The following GLCE variants were observed in gnomAD, a reference collection of about 807,000 sequenced individuals.
GLCE encodes the protein D-glucuronyl C5-epimerase.
GLCE carries 19 observed loss-of-function variants against 47.9 expected under a neutral mutation model. The observed-to-expected ratio is 0.40, with a 90% CI of 0.28 to 0.58. GLCE has a LOEUF of 0.58. Among genes scored for constraint, GLCE ranks in the 20% least tolerant of loss-of-function variants. GLCE has a pLI of 0.48. For synonymous variants in GLCE, 245 were observed against 263.4 expected (o/e 0.93, Z 0.68); for missense variants, 556 against 743.3 (o/e 0.75, Z 2.93).
rs371149817 is a variant in GLCE at position 69,185,213 on chromosome 15, T to G, written c.-105+24456T>G. On this transcript the variant is annotated intron_variant, in intron 1 of 4. Transcript: ENST00000261858. ...GCCATGTTCAGAGCTTTCTGTCATATAGAGAGTAGAGCAATTATTAAGCAT... is the reference window on the plus strand; with the variant it reads ...GCCATGTTCAGAGCTTTCTGTCATAGAGAGAGTAGAGCAATTATTAAGCAT... 7.2e-5 allele frequency among the ~76,000 whole-genome samples: 11 copies of G among 152,332 alleles called. No homozygotes were observed. The East Asian group carries it at 1.4e-3, about 19-fold the overall frequency.
In GLCE at chr15:69,269,521, G is replaced by T; in HGVS notation, c.*277G>T. ...GCCCATCACCCTATACAGTTTCGCAGATAGTCTAGTCACTCTATGTGAGAA... is the reference window on the plus strand; with the variant it reads ...GCCCATCACCCTATACAGTTTCGCATATAGTCTAGTCACTCTATGTGAGAA... On this transcript the variant is annotated 3_prime_UTR_variant, in exon 5 of 5. Coordinates refer to ENST00000261858, the MANE Select transcript of GLCE (RefSeq NM_015554.3). The T allele has an allele frequency of 2.5e-6, 1 of 405,198 alleles. No homozygotes were observed. The highest frequency in any genetic ancestry group is 4.4e-6 in the Non-Finnish European group (1 of 225,158). The allele number at this position is 405,198 out of a possible 1,614,324, so 25.1% of individuals were successfully genotyped here. A position where few individuals can be genotyped will look rare whatever the true frequency, so the allele number is the denominator to read the frequency against.
At chr15:69,234,038 C>T (rs2052560285) in intron 2 of GLCE, among the ~76,000 whole-genome samples, 3 of 151,168 alleles carry the variant, frequency 2.0e-5, no homozygotes, top group African/African-American at 4.9e-5. Context: ...AGTGCAATGG[C>T]GTGATCTGAG....
At chr15:69,236,038 A>G (rs542032442) in intron 2 of GLCE, among the ~76,000 whole-genome samples, 1 of 152,318 alleles carries the variant, frequency 6.6e-6, no homozygotes, top group African/African-American at 2.4e-5. Context: ...TATAGTAAGT[A>G]CACTTTTGTG....
intron 2 of GLCE, among the ~76,000 whole-genome samples, chr15:69,235,090 A>AATCTTTTTTTTTTTTTTTTTTTTT (rs1163529945): frequency 4.8e-5 from 4 of 82,488 alleles, no homozygotes; most frequent in African/African-American, 1.1e-4. Flanking sequence ...GATGAAGATT[A>AATCTTTTTTTTTTTTTTTTTTTTT]TTCTTTTTTT....
intron 2 of GLCE, among the ~76,000 whole-genome samples, chr15:69,224,452 A>G (rs912076066): frequency 6.6e-6 from 1 of 152,244 alleles, no homozygotes; most frequent in African/African-American, 2.4e-5. Context: ...AAAAATAAAT[A>G]CAGGAAGAAA....
intron 1 of GLCE, among the ~76,000 whole-genome samples, chr15:69,187,237 G>C (rs2051836833): frequency 6.6e-6 from 1 of 152,070 alleles, no homozygotes; most frequent in East Asian, 1.9e-4. Flanking sequence ...TGTCATGTTA[G>C]ACTTGGGGCC....
rs185177570 is a variant in GLCE at position 69,217,066 on chromosome 15, A to G, written c.-14+6660A>G. ...TGTGATCACATGACTGATATTTCTA[A>G]TGGCTAAACCCAGTGTTGTTATTAT... On this transcript the variant is annotated intron_variant, in intron 2 of 4. Coordinates refer to ENST00000261858, the MANE Select transcript of GLCE (RefSeq NM_015554.3). Among the ~76,000 whole-genome samples the G allele has an allele frequency of 3.3e-5, 5 of 152,218 alleles. No individual in the cohort carries two copies. In the East Asian group the frequency reaches 9.6e-4, roughly 29 times the overall value.
At chr15:69,194,832 T>A (rs2051962917) in intron 1 of GLCE, among the ~76,000 whole-genome samples, 1 of 152,164 alleles carries the variant, frequency 6.6e-6, no homozygotes, top group African/African-American at 2.4e-5. Context: ...AGCATATTTG[T>A]ACCATCTGCA....
chr15:69,173,467 A>G (rs775171370), intron 1 of GLCE, among the ~76,000 whole-genome samples: 7 of 152,238 alleles, frequency 4.6e-5, no homozygotes, highest in Non-Finnish European at 7.3e-5. Flanking sequence ...TTTGCATTGC[A>G]GTCTGGAGGA....
chr15:69,167,754 A>G (rs1204750480), intron 1 of GLCE, among the ~76,000 whole-genome samples: 3 of 152,158 alleles, frequency 2.0e-5, no homozygotes, highest in South Asian at 2.1e-4. Context: ...TTCTATATAG[A>G]AAAGTTTCTA....
intron 2 of GLCE, among the ~76,000 whole-genome samples, chr15:69,216,811 T>A (rs2052313707): frequency 6.6e-6 from 1 of 152,130 alleles, no homozygotes; most frequent in Non-Finnish European, 1.5e-5. Context: ...CCTGTCACAT[T>A]ATGTGAGTAA....
intron 1 of GLCE, among the ~76,000 whole-genome samples, chr15:69,180,976 A>G (rs2051741285): frequency 2.6e-5 from 4 of 152,128 alleles, no homozygotes; most frequent in African/African-American, 9.7e-5. Flanking sequence ...GATGGCTTGG[A>G]CCAAAATGGT....
chr15:69,225,739 G>A (rs940372696), intron 2 of GLCE, among the ~76,000 whole-genome samples: 1 of 152,006 alleles, frequency 6.6e-6, no homozygotes, highest in Non-Finnish European at 1.5e-5. Flanking sequence ...GCCTGGCATC[G>A]ATCTAAACAA....
Position 69,236,451 on chromosome 15 carries a change from T to C in GLCE, c.-13-19343T>C, listed in dbSNP as rs192052640. Among the ~76,000 whole-genome samples, 306 of 152,118 alleles carry C rather than the reference T, an allele frequency of 2.0e-3. 3 individuals carry two copies. Among genetic ancestry groups the C allele is most frequent in the African/African-American group, 7.1e-3 (295 of 41,490 alleles). On this transcript the variant is annotated intron_variant, in intron 2 of 4. Transcript: ENST00000261858. ...GACACGCCTTTTAAAAAAATTAGCATGTAGTAGTAGTAGTAGGAAATAAAT... is the reference window on the plus strand; with the variant it reads ...GACACGCCTTTTAAAAAAATTAGCACGTAGTAGTAGTAGTAGGAAATAAAT...
At position 69,187,276 on chromosome 15, in the gene GLCE, C is replaced by T. The variant is rs527393920; in HGVS notation, c.-104-23040C>T. Among the ~76,000 whole-genome samples, 4 of 152,006 alleles carry T rather than the reference C, an allele frequency of 2.6e-5. 1 individual carries two copies. In the South Asian group the frequency reaches 8.3e-4, roughly 32 times the overall value. Reference sequence around the variant, plus strand: ...GCTTTTTCTAAATGAAAAGACTTATCTTACCATATTTTTTTTCTTTTACAT... The same window carrying T: ...GCTTTTTCTAAATGAAAAGACTTATTTTACCATATTTTTTTTCTTTTACAT... On this transcript the variant is annotated intron_variant, in intron 1 of 4. Transcript: ENST00000261858.
At chr15:69,192,331 C>A (rs1156644346) in intron 1 of GLCE, among the ~76,000 whole-genome samples, 2 of 151,720 alleles carry the variant, frequency 1.3e-5, no homozygotes, top group South Asian at 2.1e-4. Flanking sequence ...TTTGTAGTGG[C>A]TAATCTGCTA....
intron 1 of GLCE, among the ~76,000 whole-genome samples, chr15:69,174,590 A>T (rs949683950): frequency 1.3e-5 from 2 of 152,184 alleles, no homozygotes; most frequent in Non-Finnish European, 2.9e-5. Context: ...AGCCTGGGCG[A>T]CAAGAGTGAA....
intron 2 of GLCE, among the ~76,000 whole-genome samples, chr15:69,223,085 T>C (rs184710464): frequency 5.1e-4 from 77 of 152,300 alleles, no homozygotes; most frequent in Admixed American, 4.3e-3. Context: ...GTCTCTTAGG[T>C]TGTATAGAAA....
At chr15:69,199,928 T>A (rs979507623) in intron 1 of GLCE, among the ~76,000 whole-genome samples, 9 of 152,264 alleles carry the variant, frequency 5.9e-5, no homozygotes, top group Admixed American at 2.0e-4. Flanking sequence ...GTGAAATCAG[T>A]GGTACAGACT....
Sources: allele counts gnomAD v4.1 joint callset (sites outside exome capture counted in the v4.1 genomes callset), GRCh38; gene constraint gnomAD v4.1.1; transcripts MANE v1.5; gene names NCBI Gene and HGNC (gene_info 2026-07-23, HGNC 2026-07-21).